PAPOLA: variants seen among roughly 807,000 people sequenced by gnomAD.
The protein encoded by PAPOLA is poly(A) polymerase alpha, also known as polynucleotide adenylyltransferase alpha.
A neutral mutation model predicts 100.6 loss-of-function variants in PAPOLA; 15 were observed. The observed-to-expected ratio is 0.15, with a 90% CI of 0.10 to 0.23. PAPOLA has a LOEUF of 0.23. Ranked by LOEUF, PAPOLA falls within the 10% of genes least tolerant of loss-of-function variation. PAPOLA has a pLI of 1.00. For synonymous variants in PAPOLA, 293 were observed against 300.0 expected (o/e 0.98, Z 0.24); for missense variants, 533 against 884.2 (o/e 0.60, Z 5.04).
In PAPOLA at chr14:96,533,933, T is replaced by C. The variant is rs879249715; in HGVS notation, c.837-558T>C. ...TAACCTTGATGTTAAGAGTGGCAGG[T>C]GTTCTCCAGTTTTTACCTCTTTCAT... On this transcript the variant is annotated intron_variant, in intron 9 of 21. Transcript: ENST00000216277. 8.4e-4 allele frequency: 827 copies of C among 984,202 alleles called. 5 individuals carry two copies. The African/African-American group carries it at 0.014, about 16-fold the overall frequency. 61.0% of individuals were successfully genotyped at this position (984,202 alleles called of 1,614,324 possible).
chr14:96,508,286 G>A (rs941800739), intron 1 of PAPOLA, among the ~76,000 whole-genome samples: 5 of 152,206 alleles, frequency 3.3e-5, no homozygotes, highest in Admixed American at 6.5e-5. Flanking sequence ...AAACAATATA[G>A]TAGATAACCT....
At chr14:96,532,690 C>A in intron 9 of PAPOLA, 41 bp downstream of exon 9, 1 of 1,529,310 alleles carries the variant, frequency 6.5e-7, no homozygotes, top group South Asian at 1.3e-5. Context: ...TGATTGTAGA[C>A]ACTGAAGTTT....
At chr14:96,507,118 CCAGG>C (rs1188134137) in intron 1 of PAPOLA, among the ~76,000 whole-genome samples, 4 of 152,062 alleles carry the variant, frequency 2.6e-5, no homozygotes, top group Non-Finnish European at 5.9e-5. Flanking sequence ...TGGTTTGATG[CCAGG>C]TTTTCTTCAT....
chr14:96,564,393 CTG>C (rs1262411383), intron 21 of PAPOLA, among the ~76,000 whole-genome samples: 8 of 151,974 alleles, frequency 5.3e-5, no homozygotes, highest in South Asian at 2.1e-4. Context: ...AGATCCATCT[CTG>C]TATTTTTTTA....
intron 16 of PAPOLA, 27 bp downstream of exon 16, chr14:96,547,945 C>T: frequency 6.4e-7 from 1 of 1,559,430 alleles, no homozygotes. Context: ...CTTACAAAAG[C>T]ATTACTAACA....
At chr14:96,552,764 C>T (rs1015693256) in intron 17 of PAPOLA, 142 bp downstream of exon 17, 3 of 734,626 alleles carry the variant, frequency 4.1e-6, no homozygotes, top group African/African-American at 1.8e-5. Context: ...CAATTTAATT[C>T]CCAGGTTTGG....
intron 1 of PAPOLA, among the ~76,000 whole-genome samples, chr14:96,513,910 C>T (rs147421947): frequency 7.4e-4 from 113 of 152,148 alleles, no homozygotes; most frequent in African/African-American, 2.5e-3. Context: ...ATGGCTTTTG[C>T]GTTCCGTGTC....
Position 96,566,413 on chromosome 14 carries a change from CTT to C in PAPOLA, c.*1364_*1365del, listed in dbSNP as rs1224501445. 1.3e-5 allele frequency: 2 copies of C among 152,828 alleles called. No homozygotes were observed. The highest frequency in any genetic ancestry group is 3.9e-4 in the East Asian group (2 of 5,174). The allele number at this position is 152,828 out of a possible 1,614,324, so 9.5% of individuals were successfully genotyped here. A position where few individuals can be genotyped will look rare whatever the true frequency, so the allele number is the denominator to read the frequency against. ...ATGAGGGATGCCAGATGTTGATAAA[CTT>C]ACTCTTTCTGAATCTGGACAAAGTC... On this transcript the variant is annotated 3_prime_UTR_variant, in exon 22 of 22. Coordinates refer to ENST00000216277, the MANE Select transcript of PAPOLA (RefSeq NM_032632.5).
intron 1 of PAPOLA, among the ~76,000 whole-genome samples, chr14:96,506,994 T>C (rs1337656411): frequency 6.6e-6 from 1 of 152,166 alleles, no homozygotes; most frequent in Non-Finnish European, 1.5e-5. Context: ...AGTTATAATG[T>C]TGCTCCCAGC....
chr14:96,559,002 C>G (rs574850831), intron 19 of PAPOLA, among the ~76,000 whole-genome samples: 116 of 151,632 alleles, frequency 7.7e-4, no homozygotes, highest in African/African-American at 2.7e-3. Flanking sequence ...ATCCCTCCCC[C>G]ACTTTTCCCT....
intron 6 of PAPOLA, among the ~76,000 whole-genome samples, chr14:96,529,387 AATG>A (rs1211389044): frequency 6.6e-6 from 1 of 151,804 alleles, no homozygotes; most frequent in African/African-American, 2.4e-5. Context: ...GGTATGTTTA[AATG>A]ATATTTTAAA....
intron 1 of PAPOLA, 106 bp from the exon 2 acceptor site, chr14:96,519,949 A>G (rs945139335): frequency 6.3e-6 from 6 of 950,370 alleles, no homozygotes; most frequent in East Asian, 5.2e-5. Flanking sequence ...CAGGGAACCA[A>G]TCATGTTTAG....
chr14:96,508,359 G>A (rs895746152), intron 1 of PAPOLA, among the ~76,000 whole-genome samples: 1 of 152,240 alleles, frequency 6.6e-6, no homozygotes, highest in Non-Finnish European at 1.5e-5. Context: ...TGGAGTTTTT[G>A]TAGTGAATTG....
rs1171121332 is a variant in PAPOLA, at chr14:96,544,137, T to G, written c.1290-12T>G. 1 of 1,418,122 alleles carries G rather than the reference T, an allele frequency of 7.1e-7. No homozygotes were observed. The highest frequency in any genetic ancestry group is 1.4e-5 in the African/African-American group (1 of 70,840). 87.8% of individuals were successfully genotyped at this position (1,418,122 alleles called of 1,614,324 possible). ...AAATCCAGATAAACTATGGTAATGCTCTTCTTTGCAGGGAAGAATTTCGCA... is the reference window on the plus strand; with the variant it reads ...AAATCCAGATAAACTATGGTAATGCGCTTCTTTGCAGGGAAGAATTTCGCA... On this transcript the variant is annotated splice_polypyrimidine_tract_variant and intron_variant, in intron 14 of 21. Transcript: ENST00000216277.
At chr14:96,542,736 C>A (rs770113743) in intron 13 of PAPOLA, 38 bp from the exon 14 acceptor site, 1 of 1,566,944 alleles carries the variant, frequency 6.4e-7, no homozygotes, top group South Asian at 1.2e-5. Flanking sequence ...TTTAAGTTAA[C>A]CAAAACTTTT....
chr14:96,559,579 C>CTA (rs1171924653), intron 19 of PAPOLA, among the ~76,000 whole-genome samples: 5,020 of 108,112 alleles, frequency 0.046, 98 homozygotes, highest in African/African-American at 0.099. Flanking sequence ...CTCTCTCTCT[C>CTA]TCTATATATA....
At chr14:96,549,597 A>G (rs1900677195) in intron 16 of PAPOLA, among the ~76,000 whole-genome samples, 1 of 152,210 alleles carries the variant, frequency 6.6e-6, no homozygotes, top group Admixed American at 6.5e-5. Context: ...AGTTAACTAA[A>G]TAAAAATTGA....
At chr14:96,507,373 C>T (rs999314724) in intron 1 of PAPOLA, among the ~76,000 whole-genome samples, 21 of 145,866 alleles carry the variant, frequency 1.4e-4, no homozygotes, top group South Asian at 2.2e-4. Flanking sequence ...CTGCAAGCTC[C>T]GTCTTCCGGG....
intron 3 of PAPOLA, among the ~76,000 whole-genome samples, chr14:96,523,891 C>T (rs541536220): frequency 3.3e-5 from 5 of 150,766 alleles, no homozygotes; most frequent in African/African-American, 7.3e-5. Flanking sequence ...TGCAGTAAGC[C>T]GAGATTGCGC....
Sources: gnomAD v4.1 joint callset for allele counts (sites outside exome capture counted in the v4.1 genomes callset) on GRCh38, gnomAD v4.1.1 for gene constraint, MANE v1.5 for transcripts, NCBI Gene and HGNC (gene_info 2026-07-23, HGNC 2026-07-21) for gene names.